Variants in KCNIP4 observed in about 807,000 individuals in gnomAD.
KCNIP4 encodes Kv channel-interacting protein 4.
Under a neutral mutation model 34.0 loss-of-function variants are expected in KCNIP4, and 12 were observed. That is an observed-to-expected ratio of 0.35 (90% CI 0.23 to 0.57). The LOEUF is 0.57. KCNIP4 is among the 20% of genes least tolerant of loss of function. The pLI is 0.83. For synonymous variants in KCNIP4, 124 were observed against 102.2 expected, an observed-to-expected ratio of 1.21 and a Z score of -1.29; for missense variants, 238 against 311.7, an observed-to-expected ratio of 0.76 and a Z score of 1.78.
At chr4:21,453,200 C>A (rs1407214908) in intron 1 of KCNIP4, among the ~76,000 whole-genome samples, 1 of 151,968 alleles carries the variant, frequency 6.6e-6, no homozygotes, top group Non-Finnish European at 1.5e-5. Flanking sequence ...TTTAAAGCAT[C>A]TAAGATCCCT....
intron 1 of KCNIP4, among the ~76,000 whole-genome samples, chr4:21,908,504 A>T (rs1728120720): frequency 6.6e-6 from 1 of 152,148 alleles, no homozygotes; most frequent in African/African-American, 2.4e-5. Context: ...TCACCATTCA[A>T]TCATATAAAA....
At chr4:21,781,554 C>A (rs1055560431) in intron 1 of KCNIP4, among the ~76,000 whole-genome samples, 2 of 152,082 alleles carry the variant, frequency 1.3e-5, no homozygotes, top group Non-Finnish European at 2.9e-5. Flanking sequence ...TTGTCACCAG[C>A]AGACCTAGAC....
intron 1 of KCNIP4, among the ~76,000 whole-genome samples, chr4:21,933,947 A>G (rs2109011590): frequency 6.6e-6 from 1 of 152,244 alleles, no homozygotes; most frequent in African/African-American, 2.4e-5. Context: ...ACACCCAACA[A>G]TTAATTAAAA....
chr4:20,982,613 T>C (rs1736171310), intron 1 of KCNIP4, among the ~76,000 whole-genome samples: 1 of 152,254 alleles, frequency 6.6e-6, no homozygotes, highest in Non-Finnish European at 1.5e-5. Flanking sequence ...ATAGAATGTA[T>C]GTTCTTATAT....
intron 1 of KCNIP4, among the ~76,000 whole-genome samples, chr4:21,380,458 GGA>G (rs1222316977): frequency 1.1e-5 from 1 of 88,610 alleles, no homozygotes; most frequent in East Asian, 3.4e-4. Flanking sequence ...AGGGAGAGGG[GGA>G]GAGAGAGAGA....
intron 1 of KCNIP4, among the ~76,000 whole-genome samples, chr4:20,989,883 T>G (rs1736929483): frequency 6.6e-6 from 1 of 152,112 alleles, no homozygotes. Context: ...GTGGGAGGAT[T>G]GCTTGAACCT....
At chr4:21,924,079 G>T (rs1431570056) in intron 1 of KCNIP4, among the ~76,000 whole-genome samples, 2 of 152,106 alleles carry the variant, frequency 1.3e-5, no homozygotes, top group African/African-American at 4.8e-5. Context: ...AATTATAGGT[G>T]TCAATAATCA....
At chr4:20,872,250 G>A (rs1723552788) in intron 2 of KCNIP4, among the ~76,000 whole-genome samples, 1 of 152,112 alleles carries the variant, frequency 6.6e-6, no homozygotes, top group Non-Finnish European at 1.5e-5. Flanking sequence ...AGCCTCAAAG[G>A]AGAATGGTTT....
intron 1 of KCNIP4, among the ~76,000 whole-genome samples, chr4:21,068,276 C>T (rs1166580761): frequency 4.6e-5 from 7 of 152,166 alleles, no homozygotes; most frequent in Non-Finnish European, 7.3e-5. Flanking sequence ...CTGACGTGGT[C>T]GTCCTGCTTC....
intron 1 of KCNIP4, among the ~76,000 whole-genome samples, chr4:21,911,389 T>C (rs1728300016): frequency 1.3e-5 from 2 of 152,128 alleles, no homozygotes. Flanking sequence ...GATTCTCTCA[T>C]TTTAACTGTC....
intron 1 of KCNIP4, among the ~76,000 whole-genome samples, chr4:21,410,872 G>A (rs1177704153): frequency 6.6e-6 from 1 of 152,144 alleles, no homozygotes; most frequent in Non-Finnish European, 1.5e-5. Flanking sequence ...CAAATGTTGG[G>A]ATGAGGGTAC....
At chr4:21,810,612 C>T (rs1485128438) in intron 1 of KCNIP4, among the ~76,000 whole-genome samples, 8 of 149,384 alleles carry the variant, frequency 5.4e-5, no homozygotes, top group African/African-American at 2.0e-4. Flanking sequence ...ATGGCATAAA[C>T]CCGGGAGGCG....
In KCNIP4 at chr4:21,291,908, AAAGAAAG is replaced by A. The variant is rs1560260030; in HGVS notation, c.62-409206_62-409200del. Among the ~76,000 whole-genome samples, 2 of 94,636 alleles carry A rather than the reference AAAGAAAG, an allele frequency of 2.1e-5. 1 individual carries two copies. Among genetic ancestry groups the A allele is most frequent in the Non-Finnish European group, 3.9e-5 (2 of 51,332 alleles). The allele number at this position is 94,636 out of a possible 152,430, so 62.1% of individuals were successfully genotyped here. ...GAAAGAAAGAAAGAAAGAAAGAAAG[AAAGAAAG>A]AAAGAAAGAAAGAAAGAAAGAAAAA... On this transcript the variant is annotated intron_variant, in intron 1 of 8. Coordinates refer to ENST00000382152, the MANE Select transcript of KCNIP4 (RefSeq NM_025221.6).
intron 1 of KCNIP4, among the ~76,000 whole-genome samples, chr4:21,343,348 A>C (rs1454049721): frequency 6.6e-6 from 1 of 152,128 alleles, no homozygotes; most frequent in African/African-American, 2.4e-5. Context: ...AAGAGAGAAA[A>C]AAAATAAGAA....
chr4:20,752,214 A>G (rs1753781017), intron 4 of KCNIP4, among the ~76,000 whole-genome samples: 1 of 152,010 alleles, frequency 6.6e-6, no homozygotes, highest in Admixed American at 6.6e-5. Flanking sequence ...ACCTGCCACC[A>G]TGCCCGGCGA....
intron 1 of KCNIP4, among the ~76,000 whole-genome samples, chr4:21,519,558 A>ATGTG (rs1475684230): frequency 4.2e-5 from 2 of 47,226 alleles, no homozygotes; most frequent in Non-Finnish European, 7.8e-5. Context: ...ATATGTGTGT[A>ATGTG]TGTGTATATA....
chr4:20,837,661 GCT>G (rs1560503057), intron 3 of KCNIP4, among the ~76,000 whole-genome samples: 3 of 127,064 alleles, frequency 2.4e-5, no homozygotes, highest in Non-Finnish European at 3.2e-5. Flanking sequence ...AGTTGTCAGT[GCT>G]ATATATATAT....
At chr4:21,605,886 T>C (rs1277213930) in intron 1 of KCNIP4, among the ~76,000 whole-genome samples, 1 of 152,130 alleles carries the variant, frequency 6.6e-6, no homozygotes, top group Non-Finnish European at 1.5e-5. Flanking sequence ...GAGGAGGAGT[T>C]AGTGGCTCTG....
At chr4:20,868,510 A>T (rs576469858) in intron 2 of KCNIP4, among the ~76,000 whole-genome samples, 59 of 152,242 alleles carry the variant, frequency 3.9e-4, no homozygotes, top group African/African-American at 1.3e-3. Context: ...AAGAAAACAA[A>T]TAATTCTACC....
Sources: allele counts gnomAD v4.1 joint callset (sites outside exome capture counted in the v4.1 genomes callset), GRCh38; gene constraint gnomAD v4.1.1; transcripts MANE v1.5; gene names NCBI Gene and HGNC (gene_info 2026-07-23, HGNC 2026-07-21).